Variants in ADAMTSL1 observed in about 807,000 individuals in gnomAD.
The protein encoded by ADAMTSL1 is ADAMTS-like protein 1.
Under a neutral mutation model 201.8 loss-of-function variants are expected in ADAMTSL1, and 126 were observed. The observed-to-expected ratio is 0.62, with a 90% CI of 0.54 to 0.72. The LOEUF (loss-of-function observed/expected upper bound fraction) is 0.72, where lower values mean the gene tolerates loss of function less well. Ranked by LOEUF, ADAMTSL1 falls within the 30% of genes least tolerant of loss-of-function variation. The probability of loss-of-function intolerance (pLI) is 0.00; values close to 1 mark genes in which losing one functional copy is unlikely to be tolerated. For missense variants in ADAMTSL1, 2,679 were observed against 2,277.8 expected (o/e 1.18, Z -3.59); for synonymous variants, 1,121 against 903.4 (o/e 1.24, Z -4.32).
chr9:18,404,474 T>C (rs1426063122), intron 2 of ADAMTSL1, among the ~76,000 whole-genome samples: 1 of 152,190 alleles, frequency 6.6e-6, no homozygotes, highest in Non-Finnish European at 1.5e-5. Flanking sequence ...GTCTAAATCA[T>C]GTTAGTTTGT....
intron 1 of ADAMTSL1, among the ~76,000 whole-genome samples, chr9:17,998,096 C>T (rs1406576419): frequency 6.6e-6 from 1 of 152,002 alleles, no homozygotes; most frequent in African/African-American, 2.4e-5. Context: ...TCACATAGTC[C>T]TAGCCTTTCC....
intron 1 of ADAMTSL1, among the ~76,000 whole-genome samples, chr9:18,000,178 A>G (rs990450552): frequency 7.9e-5 from 12 of 151,158 alleles, no homozygotes; most frequent in African/African-American, 2.9e-4. Context: ...AGGAATCGCC[A>G]CACTGACTTC....
intron 1 of ADAMTSL1, among the ~76,000 whole-genome samples, chr9:18,038,630 C>G (rs1414082429): frequency 6.6e-6 from 1 of 152,178 alleles, no homozygotes; most frequent in African/African-American, 2.4e-5. Context: ...GCTAGATGAA[C>G]TAGCATTACC....
chr9:18,275,048 C>A (rs1022411569), intron 2 of ADAMTSL1, among the ~76,000 whole-genome samples: 2 of 152,068 alleles, frequency 1.3e-5, no homozygotes, highest in African/African-American at 4.8e-5. Context: ...AGTAAGAGAG[C>A]CAACCCAATG....
intron 7 of ADAMTSL1, among the ~76,000 whole-genome samples, chr9:18,645,215 A>C (rs529513650): frequency 6.6e-6 from 1 of 151,924 alleles, no homozygotes; most frequent in African/African-American, 2.4e-5. Flanking sequence ...CATGTCCTTC[A>C]CCCACTTTTT....
At chr9:18,831,446 G>A (rs7859001) in intron 23 of ADAMTSL1, among the ~76,000 whole-genome samples, 20,734 of 152,186 alleles carry the variant, frequency 0.14, 1,636 homozygotes, top group East Asian at 0.22. Context: ...TTCAAGTTCA[G>A]TAACTCTTTT....
chr9:18,734,827 C>T (rs559382), intron 15 of ADAMTSL1, among the ~76,000 whole-genome samples: 41,380 of 152,018 alleles, frequency 0.27, 5,726 homozygotes, highest in Middle Eastern at 0.35. Context: ...TCCAGGCTTT[C>T]CAAGAAACCT....
At chr9:17,967,651 T>C (rs1326100324) in intron 1 of ADAMTSL1, among the ~76,000 whole-genome samples, 1 of 152,152 alleles carries the variant, frequency 6.6e-6, no homozygotes, top group African/African-American at 2.4e-5. Flanking sequence ...CATCCTACTT[T>C]ATCTGATTTA....
intron 26 of ADAMTSL1, among the ~76,000 whole-genome samples, chr9:18,903,428 T>C (rs1168659525): frequency 1.3e-5 from 2 of 152,190 alleles, no homozygotes; most frequent in Non-Finnish European, 2.9e-5. Context: ...AAAAGTTAAG[T>C]CTCAGTGGTT....
intron 2 of ADAMTSL1, among the ~76,000 whole-genome samples, chr9:18,383,324 T>A (rs933248550): frequency 1.3e-5 from 2 of 152,250 alleles, no homozygotes; most frequent in South Asian, 4.1e-4. Flanking sequence ...GAGAGGACAC[T>A]GTCACCCCGG....
intron 23 of ADAMTSL1, among the ~76,000 whole-genome samples, chr9:18,878,661 C>T (rs959376420): frequency 6.6e-6 from 1 of 152,218 alleles, no homozygotes; most frequent in Non-Finnish European, 1.5e-5. Flanking sequence ...CCTGCAGTGG[C>T]AAGCTGCTTC....
At chr9:18,847,218 G>A (rs1826176315) in intron 23 of ADAMTSL1, among the ~76,000 whole-genome samples, 1 of 152,118 alleles carries the variant, frequency 6.6e-6, no homozygotes, top group Non-Finnish European at 1.5e-5. Context: ...GAACAGGAGT[G>A]GGGACTGCTT....
chr9:18,648,384 T>G lies in ADAMTSL1; in HGVS notation c.834+8973T>G, dbSNP rs373800595. 4.8e-4 allele frequency among the ~76,000 whole-genome samples: 73 copies of G among 152,090 alleles called. 1 individual carries two copies. In the South Asian group the frequency reaches 5.0e-3, roughly 10 times the overall value. On this transcript the variant is annotated intron_variant, in intron 7 of 28. Coordinates refer to ENST00000380548, the MANE Select transcript of ADAMTSL1 (RefSeq NM_001040272.6). The stretch of plus-strand genomic sequence containing the variant: ...TTTTAATTGGCGCATTTAGTCCATT[T>G]ACATTTAAAGTTAATATTGTTATGT...
intron 1 of ADAMTSL1, among the ~76,000 whole-genome samples, chr9:18,069,382 C>T (rs866605435): frequency 2.0e-5 from 3 of 152,102 alleles, no homozygotes; most frequent in East Asian, 3.9e-4. Flanking sequence ...ATAAGAAGGA[C>T]ATATTACACT....
rs1210122170 is a variant in ADAMTSL1, at chr9:18,661,969, G to C, written c.981G>C (p.Leu327=). ...TGACATCGGCTGAGTGCTACGATCTGAGGAGCAACCGTGTGGTTGCTGACC... is the reference window on the plus strand; with the variant it reads ...TGACATCGGCTGAGTGCTACGATCTCAGGAGCAACCGTGTGGTTGCTGACC... ...YQLTSAECYD[L]RSNRVVADQY... Residue 327 remains leucine (L), a synonymous_variant, in exon 9 of 29, where the codon CTG becomes CTC. Transcript: ENST00000380548. 1 of 1,613,972 alleles carries C rather than the reference G, an allele frequency of 6.2e-7. No homozygotes were observed. Among genetic ancestry groups the C allele is most frequent in the Non-Finnish European group, 8.5e-7 (1 of 1,179,920 alleles).
At chr9:18,365,264 C>G (rs7024252) in intron 2 of ADAMTSL1, among the ~76,000 whole-genome samples, 48,676 of 151,918 alleles carry the variant, frequency 0.32, 8,085 homozygotes, top group Admixed American at 0.44. Flanking sequence ...ATGTACTTAT[C>G]GACATCATCA....
chr9:18,442,634 C>T (rs1256712462), intron 2 of ADAMTSL1, among the ~76,000 whole-genome samples: 2 of 152,126 alleles, frequency 1.3e-5, no homozygotes, highest in Non-Finnish European at 2.9e-5. Context: ...CTTTTATAGT[C>T]TCAGATGATA....
chr9:18,875,968 G>T (rs977055463), intron 23 of ADAMTSL1, among the ~76,000 whole-genome samples: 1 of 152,050 alleles, frequency 6.6e-6, no homozygotes, highest in East Asian at 1.9e-4. Context: ...TTTCCTGTTG[G>T]ACTAGTCCTT....
intron 2 of ADAMTSL1, among the ~76,000 whole-genome samples, chr9:18,200,012 T>C (rs1438805117): frequency 1.3e-5 from 2 of 152,072 alleles, no homozygotes; most frequent in Non-Finnish European, 2.9e-5. Flanking sequence ...TGATGGCTCA[T>C]AATAATGATG....
Sources: allele counts gnomAD v4.1 joint callset (sites outside exome capture counted in the v4.1 genomes callset), GRCh38; gene constraint gnomAD v4.1.1; transcripts MANE v1.5; gene names NCBI Gene and HGNC (gene_info 2026-07-23, HGNC 2026-07-21).